Variants in COPS7B observed in about 807,000 individuals in gnomAD.
COPS7B encodes COP9 signalosome subunit 7B, also known as COP9 signalosome complex subunit 7b.
Under a neutral mutation model 33.4 loss-of-function variants are expected in COPS7B, and 9 were observed. The ratio of observed to expected loss-of-function variants is 0.27; its 90% CI spans 0.16 to 0.47. COPS7B has a LOEUF of 0.47. Among genes scored for constraint, COPS7B ranks in the 20% least tolerant of loss-of-function variants. COPS7B has a pLI of 0.99. For synonymous variants in COPS7B, 119 were observed against 126.3 expected (o/e 0.94, Z 0.39); for missense variants, 242 against 318.2 (o/e 0.76, Z 1.82).
At chr2:231,785,236 AC>A (rs759954688), upstream of COPS7B, among the ~76,000 whole-genome samples, 23 of 152,216 alleles carry the variant, frequency 1.5e-4, no homozygotes, top group East Asian at 4.1e-3. Flanking sequence ...AATTATTCAT[AC>A]CTCTCCTTAG....
intron 2 of COPS7B, chr2:231,790,659 C>G (rs1483236243): frequency 6.6e-6 from 1 of 151,642 alleles, no homozygotes; most frequent in Non-Finnish European, 1.5e-5. Flanking sequence ...TGTCTGTAGA[C>G]TACCACTTGC....
At chr2:231,783,651 C>A (rs2106298734), upstream of COPS7B, among the ~76,000 whole-genome samples, 1 of 152,218 alleles carries the variant, frequency 6.6e-6, no homozygotes, top group Non-Finnish European at 1.5e-5. Context: ...ATATGGAGTT[C>A]TTTGATATAT....
intron 2 of COPS7B, chr2:231,790,103 A>C (rs1165349871): frequency 6.6e-6 from 1 of 152,240 alleles, no homozygotes; most frequent in Non-Finnish European, 1.5e-5. Flanking sequence ...GTGGAAAATG[A>C]GTTTTATGAA....
rs912723516 is a variant in COPS7B at position 231,807,950 on chromosome 2, G to A, written c.*305G>A. 3 of 258,766 alleles carry A rather than the reference G, an allele frequency of 1.2e-5. No individual in the cohort carries two copies. Among genetic ancestry groups the A allele is most frequent in the Admixed American group, 5.2e-5 (1 of 19,198 alleles). The allele number at this position is 258,766 out of a possible 1,614,324, so 16.0% of individuals were successfully genotyped here. ...TGTGTAAGGGCTTGTCTCCCTCCCA[G>A]TTTTTCTTTTGCTCCACGTCATTTT... On this transcript the variant is annotated 3_prime_UTR_variant, in exon 7 of 7. Coordinates refer to ENST00000350033, the MANE Select transcript of COPS7B (RefSeq NM_022730.4).
intron 3 of COPS7B, chr2:231,792,089 T>TG: frequency 1.7e-6 from 1 of 605,628 alleles, no homozygotes; most frequent in Non-Finnish European, 3.2e-6. Context: ...GTAGGGCTCT[T>TG]GGAGTGCTGT....
chr2:231,793,107 T>G (rs1436478331), intron 3 of COPS7B, among the ~76,000 whole-genome samples: 1 of 152,186 alleles, frequency 6.6e-6, no homozygotes, highest in Non-Finnish European at 1.5e-5. Context: ...CGTTGACAAA[T>G]GAAGTAACCT....
chr2:231,798,131 C>T (rs1461127479), intron 5 of COPS7B, among the ~76,000 whole-genome samples: 1 of 152,146 alleles, frequency 6.6e-6, no homozygotes, highest in Non-Finnish European at 1.5e-5. Context: ...AGGTGATCCG[C>T]CTGCCTCGGC....
At chr2:231,798,724 A>G in intron 5 of COPS7B, 135 bp from the exon 6 acceptor site, 1 of 661,392 alleles carries the variant, frequency 1.5e-6, no homozygotes, top group Non-Finnish European at 2.7e-6. Flanking sequence ...TGAACGGGCA[A>G]GAGATGTGGC....
intron 3 of COPS7B, chr2:231,793,594 C>T (rs1262140867): frequency 6.6e-6 from 1 of 152,180 alleles, no homozygotes; most frequent in African/African-American, 2.4e-5. Context: ...TCTCAAGGCT[C>T]AACTCAAACT....
intron 6 of COPS7B, among the ~76,000 whole-genome samples, chr2:231,803,289 C>T (rs2049799305): frequency 6.6e-6 from 1 of 152,010 alleles, no homozygotes; most frequent in Non-Finnish European, 1.5e-5. Flanking sequence ...AGCGGTAACC[C>T]CCGGGGTGCA....
Position 231,808,798 on chromosome 2 carries a change from G to GGGGTGTGTGT in COPS7B, c.*1154_*1155insGGTGTGTGTG, listed in dbSNP as rs1553564811. On this transcript the variant is annotated 3_prime_UTR_variant, in exon 7 of 7. Transcript: ENST00000350033. ...TGGTTGGAGGGTGGGGGTGGGGTGGGGTGTGTGTGTGTGTGTGTGTGTGTG... is the reference window on the plus strand; with the variant it reads ...TGGTTGGAGGGTGGGGGTGGGGTGGGGGGTGTGTGTGTGTGTGTGTGTGTGTGTGTGTGTG... The GGGGTGTGTGT allele has an allele frequency of 2.6e-5, 2 of 75,804 alleles. No homozygotes were observed. Among genetic ancestry groups the GGGGTGTGTGT allele is most frequent in the African/African-American group, 1.2e-4 (2 of 16,754 alleles). The allele number at this position is 75,804 out of a possible 1,614,324, so 4.7% of individuals were successfully genotyped here. A position where few individuals can be genotyped will look rare whatever the true frequency, so the allele number is the denominator to read the frequency against.
In COPS7B at chr2:231,791,824, T is replaced by A; in HGVS notation, c.238+16T>A. On this transcript the variant is annotated intron_variant, in intron 3 of 6. Coordinates refer to ENST00000350033, the MANE Select transcript of COPS7B (RefSeq NM_022730.4). ...GATTACATAGGTGAGTTGGTGAAGATCCTTCAAAAGACTTGTGTTAATTAT... is the reference window on the plus strand; with the variant it reads ...GATTACATAGGTGAGTTGGTGAAGAACCTTCAAAAGACTTGTGTTAATTAT... The A allele has an allele frequency of 6.2e-7, 1 of 1,606,234 alleles. No individual in the cohort carries two copies. Among genetic ancestry groups the A allele is most frequent in the Admixed American group, 1.7e-5 (1 of 59,998 alleles).
intron 1 of COPS7B, among the ~76,000 whole-genome samples, chr2:231,788,050 A>G (rs960223614): frequency 5.3e-5 from 8 of 151,958 alleles, no homozygotes; most frequent in Non-Finnish European, 1.0e-4. Flanking sequence ...TGTTTCAAAC[A>G]CCAGAATTTA....
intron 4 of COPS7B, among the ~76,000 whole-genome samples, chr2:231,795,304 C>T (rs532347744): frequency 6.6e-6 from 1 of 152,152 alleles, no homozygotes; most frequent in East Asian, 1.9e-4. Context: ...TTCAAGCGAT[C>T]CTCCCATCTC....
chr2:231,787,773 G>T (rs1559352134), intron 1 of COPS7B, among the ~76,000 whole-genome samples: 1 of 152,080 alleles, frequency 6.6e-6, no homozygotes, highest in Admixed American at 6.5e-5. Context: ...TTCTTGTCTG[G>T]TTTTTTGTTT....
At chr2:231,805,833 AAGAC>A (rs972470363) in intron 6 of COPS7B, among the ~76,000 whole-genome samples, 4 of 151,156 alleles carry the variant, frequency 2.6e-5, no homozygotes, top group South Asian at 2.1e-4. Flanking sequence ...TTTTTTAAGA[AAGAC>A]AGGGTCCCAC....
At chr2:231,787,353 A>C (rs1252518523) in intron 1 of COPS7B, among the ~76,000 whole-genome samples, 1 of 152,032 alleles carries the variant, frequency 6.6e-6, no homozygotes. Flanking sequence ...CTATTCTTCA[A>C]ATTGTTCTTT....
At chr2:231,789,629 G>A (rs551022933) in intron 2 of COPS7B, 113 of 152,668 alleles carry the variant, frequency 7.4e-4, no homozygotes, top group Admixed American at 9.2e-4. Flanking sequence ...GAGTGGCCCC[G>A]GAGTTCTTGG....
At chr2:231,796,362 G>C in intron 5 of COPS7B, 54 bp downstream of exon 5, 1 of 1,537,054 alleles carries the variant, frequency 6.5e-7, no homozygotes, top group East Asian at 2.3e-5. Context: ...GCCTCTCCTT[G>C]CAAAAATGTG....
Sources: gnomAD v4.1 joint callset for allele counts (sites outside exome capture counted in the v4.1 genomes callset) on GRCh38, gnomAD v4.1.1 for gene constraint, MANE v1.5 for transcripts, NCBI Gene and HGNC (gene_info 2026-07-23, HGNC 2026-07-21) for gene names.